The following KCNB2 variants were observed in gnomAD, a reference collection of about 807,000 sequenced individuals.
KCNB2 encodes the protein delayed rectifier potassium channel protein.
KCNB2 carries 15 observed loss-of-function variants against 61.5 expected under a neutral mutation model. The ratio of observed to expected loss-of-function variants is 0.24; its 90% CI spans 0.16 to 0.38. The LOEUF is 0.38. Among genes scored for constraint, KCNB2 ranks in the 10% least tolerant of loss-of-function variants. The pLI is 1.00. For missense variants in KCNB2, 828 were observed against 1,125.2 expected (o/e 0.74, Z 3.78); for synonymous variants, 457 against 446.0 (o/e 1.02, Z -0.31).
chr8:72,934,190 C>T (rs956338256), intron 2 of KCNB2, among the ~76,000 whole-genome samples: 3 of 151,882 alleles, frequency 2.0e-5, no homozygotes, highest in Non-Finnish European at 4.4e-5. Context: ...CAGGGCGAAA[C>T]CCCGTATCTA....
intron 2 of KCNB2, among the ~76,000 whole-genome samples, chr8:72,922,298 A>G (rs11995423): frequency 0.48 from 73,403 of 152,028 alleles, 18,792 homozygotes; most frequent in Middle Eastern, 0.61. Flanking sequence ...ATATGACCTC[A>G]TCATAACTAA....
rs113106261 is a variant in KCNB2, at chr8:72,806,355, GAAAAAAAA to G, written c.580-129569_580-129562del. On this transcript the variant is annotated intron_variant, in intron 2 of 2. Transcript: ENST00000523207. ...CCTGGGTGACAGAGCGAGACTCTAA[GAAAAAAAA>G]AAAAAAAAAAGAATAATTTGGCCAG... Among the ~76,000 whole-genome samples, 5 of 97,414 alleles carry G rather than the reference GAAAAAAAA, an allele frequency of 5.1e-5. No individual in the cohort carries two copies. In the East Asian group the frequency reaches 8.0e-4, roughly 15 times the overall value. 63.9% of individuals were successfully genotyped at this position (97,414 alleles called of 152,430 possible).
chr8:72,546,970 G>A (rs1244141207), intron 1 of KCNB2, among the ~76,000 whole-genome samples: 2 of 152,206 alleles, frequency 1.3e-5, no homozygotes, highest in East Asian at 3.9e-4. Flanking sequence ...CAAAGGACAG[G>A]CTTACTCTCT....
At chr8:72,924,945 G>C (rs1658643574) in intron 2 of KCNB2, among the ~76,000 whole-genome samples, 1 of 152,128 alleles carries the variant, frequency 6.6e-6, no homozygotes, top group South Asian at 2.1e-4. Context: ...GCTGGATTTG[G>C]CTCCTATCTG....
At chr8:72,917,128 A>C (rs1470823139) in intron 2 of KCNB2, among the ~76,000 whole-genome samples, 1 of 152,212 alleles carries the variant, frequency 6.6e-6, no homozygotes, top group Non-Finnish European at 1.5e-5. Context: ...TCTAGACATA[A>C]ACAACAGTAA....
At chr8:72,831,231 A>G (rs576630399) in intron 2 of KCNB2, among the ~76,000 whole-genome samples, 4 of 152,234 alleles carry the variant, frequency 2.6e-5, no homozygotes, top group Non-Finnish European at 5.9e-5. Context: ...AAATCCCATT[A>G]CATTCATTTA....
At chr8:72,779,336 G>T (rs899704638) in intron 2 of KCNB2, among the ~76,000 whole-genome samples, 1 of 151,546 alleles carries the variant, frequency 6.6e-6, no homozygotes, top group South Asian at 2.1e-4. Flanking sequence ...TAGCAACAAA[G>T]GATAAAACTG....
chr8:72,561,702 T>TAC (rs1806516827), intron 1 of KCNB2, among the ~76,000 whole-genome samples: 11 of 20,062 alleles, frequency 5.5e-4, no homozygotes, highest in African/African-American at 5.2e-3. Flanking sequence ...TATATATATA[T>TAC]ATATATATAT....
intron 2 of KCNB2, among the ~76,000 whole-genome samples, chr8:72,786,846 A>G (rs1391369736): frequency 1.3e-5 from 2 of 152,216 alleles, no homozygotes; most frequent in Non-Finnish European, 2.9e-5. Context: ...CTTAAGGAAG[A>G]ACAGACATCT....
intron 2 of KCNB2, among the ~76,000 whole-genome samples, chr8:72,584,979 C>T (rs79258105): frequency 0.041 from 6,251 of 152,218 alleles, 413 homozygotes; most frequent in African/African-American, 0.14. Context: ...TGGAGCCTCA[C>T]CTTGCTGAAT....
chr8:72,923,684 G>A (rs2981092), intron 2 of KCNB2, among the ~76,000 whole-genome samples: 45,201 of 151,906 alleles, frequency 0.3, 9,005 homozygotes, highest in African/African-American at 0.57. Flanking sequence ...CTATACATTT[G>A]TCTGTACCAA....
At chr8:72,670,610 G>A (rs1806548238) in intron 2 of KCNB2, among the ~76,000 whole-genome samples, 2 of 151,998 alleles carry the variant, frequency 1.3e-5, no homozygotes, top group Admixed American at 6.6e-5. Flanking sequence ...CCTACTCAAG[G>A]CAGTTCTGTG....
chr8:72,600,798 G>A (rs1805336489), intron 2 of KCNB2, among the ~76,000 whole-genome samples: 1 of 152,004 alleles, frequency 6.6e-6, no homozygotes, highest in African/African-American at 2.4e-5. Flanking sequence ...GAGAACACAT[G>A]GATGCATAGA....
chr8:72,632,870 T>C (rs2128985098), intron 2 of KCNB2, among the ~76,000 whole-genome samples: 1 of 152,350 alleles, frequency 6.6e-6, no homozygotes, highest in East Asian at 1.9e-4. Flanking sequence ...CATGTGTAAC[T>C]TGCATCTTGA....
intron 2 of KCNB2, among the ~76,000 whole-genome samples, chr8:72,813,911 G>A (rs1180154169): frequency 6.6e-6 from 1 of 152,020 alleles, no homozygotes; most frequent in Non-Finnish European, 1.5e-5. Flanking sequence ...CAACGTGCAG[G>A]TTTGTTACAT....
intron 2 of KCNB2, among the ~76,000 whole-genome samples, chr8:72,749,712 AAT>A (rs199911621): frequency 5.5e-5 from 8 of 146,180 alleles, no homozygotes; most frequent in Non-Finnish European, 9.0e-5. Flanking sequence ...ACAAAAAAGT[AAT>A]ATATATATAT....
intron 2 of KCNB2, chr8:72,751,048 CA>C (rs1281935292): frequency 6.6e-6 from 1 of 152,120 alleles, no homozygotes; most frequent in Non-Finnish European, 1.5e-5. Flanking sequence ...CTGCCTGTAT[CA>C]GGGGTCAGGC....
intron 2 of KCNB2, among the ~76,000 whole-genome samples, chr8:72,760,176 C>T (rs1225596399): frequency 4.0e-4 from 61 of 152,166 alleles, no homozygotes; most frequent in Non-Finnish European, 1.2e-4. Context: ...CCAGATCAAC[C>T]AAGGTGAACC....
At chr8:72,813,175 C>T (rs1585907834) in intron 2 of KCNB2, among the ~76,000 whole-genome samples, 2 of 152,060 alleles carry the variant, frequency 1.3e-5, no homozygotes, top group Admixed American at 6.6e-5. Flanking sequence ...TAGGAGAATA[C>T]GAAGAATGGT....
Sources: gnomAD v4.1 joint callset for allele counts (sites outside exome capture counted in the v4.1 genomes callset) on GRCh38, gnomAD v4.1.1 for gene constraint, MANE v1.5 for transcripts, NCBI Gene and HGNC (gene_info 2026-07-23, HGNC 2026-07-21) for gene names.